The following ARPP21 variants were observed in gnomAD, a reference collection of about 807,000 sequenced individuals.
ARPP21 encodes cAMP regulated phosphoprotein 21.
In ARPP21, 69 loss-of-function variants were observed where a neutral mutation model predicts 113.2. The observed-to-expected ratio is 0.61, with a 90% CI of 0.50 to 0.74. The LOEUF is 0.74. Ranked by LOEUF, ARPP21 falls within the 30% of genes least tolerant of loss-of-function variation. The pLI is 0.00. For missense variants in ARPP21, 1,070 were observed against 1,037.4 expected, an observed-to-expected ratio of 1.03 and a Z score of -0.43; for synonymous variants, 368 against 375.5, an observed-to-expected ratio of 0.98 and a Z score of 0.23.
At position 35,794,485 on chromosome 3, in the gene ARPP21, C is replaced by T. The variant is rs2096799829; in HGVS notation, c.*527C>T. The T allele has an allele frequency of 6.5e-6, 1 of 153,402 alleles. No homozygotes were observed. The highest frequency in any genetic ancestry group is 2.4e-5 in the African/African-American group (1 of 41,402). The allele number at this position is 153,402 out of a possible 1,614,324, so 9.5% of individuals were successfully genotyped here. Reference sequence around the variant, plus strand: ...TGGAGGAAGGTCATGTTTTTACCACCAGTTTGGTTCACTATGTCTTCCAAT... The same window carrying T: ...TGGAGGAAGGTCATGTTTTTACCACTAGTTTGGTTCACTATGTCTTCCAAT... On this transcript the variant is annotated 3_prime_UTR_variant, in exon 21 of 21. Transcript: ENST00000684406.
intron 19 of ARPP21, among the ~76,000 whole-genome samples, chr3:35,772,736 A>G (rs946668124): frequency 6.6e-6 from 1 of 152,316 alleles, no homozygotes; most frequent in South Asian, 2.1e-4. Flanking sequence ...TTGGGCAGTC[A>G]TCTGTGTGGC....
chr3:35,712,085 C>A (rs945667862), intron 11 of ARPP21, among the ~76,000 whole-genome samples: 6 of 152,124 alleles, frequency 3.9e-5, no homozygotes, highest in Admixed American at 3.9e-4. Context: ...CTTTAGGGGA[C>A]CCTCATCTAG....
intron 8 of ARPP21, among the ~76,000 whole-genome samples, chr3:35,690,492 A>C (rs139385382): frequency 1.1e-3 from 172 of 151,626 alleles, no homozygotes; most frequent in Admixed American, 3.0e-3. Context: ...GTGCTGCTTC[A>C]GTATAAACCG....
intron 11 of ARPP21, among the ~76,000 whole-genome samples, chr3:35,712,509 G>GGTGTGT (rs1368619808): frequency 6.4e-4 from 69 of 108,574 alleles, no homozygotes; most frequent in African/African-American, 2.6e-3. Context: ...TGGTGTCTAA[G>GGTGTGT]GTGTCTGTGT....
chr3:35,698,213 C>T (rs1416383019), intron 9 of ARPP21, among the ~76,000 whole-genome samples: 10 of 151,748 alleles, frequency 6.6e-5, no homozygotes, highest in African/African-American at 2.2e-4. Flanking sequence ...ATGTCATTTT[C>T]TTCAAATATT....
chr3:35,677,325 A>G (rs1293199669), intron 1 of ARPP21, among the ~76,000 whole-genome samples: 2 of 151,712 alleles, frequency 1.3e-5, no homozygotes, highest in African/African-American at 2.4e-5. Flanking sequence ...ATCTATTTTG[A>G]TAGTGATGAT....
intron 1 of ARPP21, among the ~76,000 whole-genome samples, chr3:35,660,644 C>A (rs1707313647): frequency 6.6e-6 from 1 of 152,158 alleles, no homozygotes; most frequent in African/African-American, 2.4e-5. Context: ...AAGATAATGA[C>A]TAACTTCATT....
chr3:35,726,979 C>T (rs2093583062), intron 14 of ARPP21, among the ~76,000 whole-genome samples: 1 of 152,210 alleles, frequency 6.6e-6, no homozygotes, highest in Non-Finnish European at 1.5e-5. Context: ...CTACAGTCTG[C>T]ATTGGGAATA....
At chr3:35,773,791 A>G (rs1489181006) in intron 19 of ARPP21, among the ~76,000 whole-genome samples, 1 of 152,134 alleles carries the variant, frequency 6.6e-6, no homozygotes, top group African/African-American at 2.4e-5. Flanking sequence ...TAACAGCCGT[A>G]TGTGTTTTTT....
chr3:35,684,159 C>T, intron 5 of ARPP21: 1 of 1,400,232 alleles, frequency 7.1e-7, no homozygotes, highest in Non-Finnish European at 9.3e-7. Flanking sequence ...CCCAAGTATC[C>T]TCTCTCCTTC....
At chr3:35,785,520 A>G (rs1434006283) in intron 19 of ARPP21, among the ~76,000 whole-genome samples, 1 of 152,048 alleles carries the variant, frequency 6.6e-6, no homozygotes, top group East Asian at 1.9e-4. Context: ...AAAGAAAGAA[A>G]GAAAGAAAGA....
intron 15 of ARPP21, among the ~76,000 whole-genome samples, chr3:35,732,113 T>C (rs2094019387): frequency 6.6e-6 from 1 of 152,160 alleles, no homozygotes; most frequent in African/African-American, 2.4e-5. Context: ...ATATTTGGAA[T>C]GTCGTTCATG....
intron 1 of ARPP21, among the ~76,000 whole-genome samples, chr3:35,675,429 A>G (rs566113876): frequency 6.4e-4 from 98 of 151,942 alleles, no homozygotes; most frequent in African/African-American, 2.3e-3. Flanking sequence ...ATTTTGGTCA[A>G]AAAAACCCTC....
chr3:35,692,510 G>T (rs2082542744), intron 9 of ARPP21, among the ~76,000 whole-genome samples: 1 of 151,514 alleles, frequency 6.6e-6, no homozygotes, highest in Admixed American at 6.6e-5. Context: ...TGTCTATAAG[G>T]TCATAGCAAA....
intron 19 of ARPP21, among the ~76,000 whole-genome samples, chr3:35,757,788 A>G (rs967511345): frequency 1.3e-5 from 2 of 152,234 alleles, no homozygotes; most frequent in East Asian, 1.9e-4. Context: ...TATTGTGATC[A>G]TAGAGTATCG....
intron 15 of ARPP21, among the ~76,000 whole-genome samples, 172 bp downstream of exon 15, chr3:35,729,708 A>G (rs1170025874): frequency 2.0e-5 from 3 of 152,232 alleles, no homozygotes; most frequent in African/African-American, 7.2e-5. Context: ...AGCAGTATCT[A>G]TAACTCTATA....
At chr3:35,714,507 C>A (rs1217308406) in intron 11 of ARPP21, among the ~76,000 whole-genome samples, 2 of 152,164 alleles carry the variant, frequency 1.3e-5, no homozygotes, top group African/African-American at 4.8e-5. Flanking sequence ...ATTTATTCAT[C>A]ATTTGGAAAA....
chr3:35,644,946 T>A (rs573497461), intron 1 of ARPP21, among the ~76,000 whole-genome samples: 1 of 152,086 alleles, frequency 6.6e-6, no homozygotes, highest in South Asian at 2.1e-4. Context: ...GATTTTTGTA[T>A]ACGTTTTGTA....
intron 1 of ARPP21, among the ~76,000 whole-genome samples, chr3:35,646,472 GAC>G (rs1700269290): frequency 6.6e-6 from 1 of 152,074 alleles, no homozygotes; most frequent in Non-Finnish European, 1.5e-5. Context: ...GTGAGTATGT[GAC>G]AGAATCAAGA....
Sources: allele counts gnomAD v4.1 joint callset (sites outside exome capture counted in the v4.1 genomes callset), GRCh38; gene constraint gnomAD v4.1.1; transcripts MANE v1.5; gene names NCBI Gene and HGNC (gene_info 2026-07-23, HGNC 2026-07-21).